The following SULT2B1 variants were observed in gnomAD, a reference collection of about 807,000 sequenced individuals.
The protein encoded by SULT2B1 is sulfotransferase 2B1.
SULT2B1 carries 16 observed loss-of-function variants against 33.2 expected under a neutral mutation model. The ratio of observed to expected loss-of-function variants is 0.48; its 90% confidence interval spans 0.33 to 0.73. SULT2B1 has a LOEUF of 0.73. Ranked by LOEUF, SULT2B1 falls within the 30% of genes least tolerant of loss-of-function variation. The probability of loss-of-function intolerance (pLI) is 0.02; values close to 1 mark genes in which losing one functional copy is unlikely to be tolerated. For synonymous variants in SULT2B1, 186 were observed against 200.5 expected, an observed-to-expected ratio of 0.93 and a Z score of 0.61; for missense variants, 500 against 506.0, an observed-to-expected ratio of 0.99 and a Z score of 0.11.
chr19:48,579,272 G>A (rs1220147147), intron 2 of SULT2B1, among the ~76,000 whole-genome samples: 1 of 150,752 alleles, frequency 6.6e-6, no homozygotes, highest in Admixed American at 6.6e-5. Context: ...TACGAACATT[G>A]CATGCAAGTT....
intron 1 of SULT2B1, among the ~76,000 whole-genome samples, chr19:48,573,203 A>G (rs1332974850): frequency 6.6e-6 from 1 of 150,792 alleles, no homozygotes; most frequent in Admixed American, 6.6e-5. Context: ...TTGCAGGCAG[A>G]ACCATTCACC....
intron 6 of SULT2B1, among the ~76,000 whole-genome samples, chr19:48,597,510 A>G (rs1436364717): frequency 1.3e-5 from 2 of 151,358 alleles, no homozygotes; most frequent in Admixed American, 1.3e-4. Flanking sequence ...ATGTCAGGTT[A>G]ATTTTTGTAT....
Position 48,587,445 on chromosome 19 carries a change from G to T in SULT2B1, c.423+8G>T, listed in dbSNP as rs765525281. 4 of 1,614,028 alleles carry T rather than the reference G, an allele frequency of 2.5e-6. No individual in the cohort carries two copies. The highest frequency in any genetic ancestry group is 3.4e-6 in the Non-Finnish European group (4 of 1,180,008). Reference sequence around the variant, plus strand: ...TTCAGCTCCAAGGCCAAGGTTGGGAGGAGGGGTGTGTGTCAGTTGGGAGGG... The same window carrying T: ...TTCAGCTCCAAGGCCAAGGTTGGGATGAGGGGTGTGTGTCAGTTGGGAGGG... On this transcript the variant is annotated splice_region_variant and intron_variant, in intron 3 of 6. Coordinates refer to ENST00000201586, the MANE Select transcript of SULT2B1 (RefSeq NM_177973.2).
chr19:48,583,980 C>T (rs781433545), intron 2 of SULT2B1, among the ~76,000 whole-genome samples: 7 of 150,932 alleles, frequency 4.6e-5, no homozygotes, highest in Non-Finnish European at 8.9e-5. Context: ...GGCATGCTGG[C>T]GTGCGCCTGT....
intron 2 of SULT2B1, among the ~76,000 whole-genome samples, chr19:48,585,540 A>G (rs746561701): frequency 2.6e-4 from 39 of 152,106 alleles, no homozygotes; most frequent in Non-Finnish European, 4.7e-4. Flanking sequence ...GTGGTGGTGC[A>G]TGCCTGTAAC....
intron 2 of SULT2B1, among the ~76,000 whole-genome samples, chr19:48,581,658 C>T (rs973668424): frequency 6.7e-6 from 1 of 149,232 alleles, no homozygotes; most frequent in African/African-American, 2.5e-5. Context: ...GGGGTTTCAC[C>T]GTGTTAGCCA....
intron 1 of SULT2B1, among the ~76,000 whole-genome samples, chr19:48,574,406 G>A (rs1973375391): frequency 6.6e-6 from 1 of 152,236 alleles, no homozygotes; most frequent in African/African-American, 2.4e-5. Flanking sequence ...GGTGCCAAGA[G>A]GAACGGGCAA....
intron 5 of SULT2B1, among the ~76,000 whole-genome samples, chr19:48,594,215 C>T (rs953449133): frequency 3.3e-5 from 5 of 151,968 alleles, no homozygotes; most frequent in East Asian, 3.9e-4. Context: ...GAGCCAAGAT[C>T]GCACCATTGC....
intron 1 of SULT2B1, among the ~76,000 whole-genome samples, chr19:48,557,641 G>C (rs956958793): frequency 1.3e-5 from 2 of 152,044 alleles, no homozygotes; most frequent in Non-Finnish European, 2.9e-5. Flanking sequence ...AAGAGGCCGG[G>C]CACGGTGGCT....
rs566268776 is a variant in SULT2B1 at position 48,599,398 on chromosome 19, C to T, written c.1090C>T (p.Pro364Ser). Reference protein sequence around the residue: ...GQASETPHPRPS With the variant: ...GQASETPHPRSS ...GGCCTCTGAGACCCCGCACCCACGA[C>T]CCTCATAATAAACACGTCGATTCTG... The change falls in exon 7 of 7, where the codon CCC (proline) becomes TCC (serine). Residue 364 changes from proline (P) to serine (S), a missense_variant. Transcript: ENST00000201586. The surrounding 1 kb of genome is among the most constrained non-coding windows in gnomAD (Gnocchi z 4.1). 1.8e-4 allele frequency: 284 copies of T among 1,553,030 alleles called. 3 individuals are homozygous for T. In the South Asian group the frequency reaches 3.1e-3, roughly 17 times the overall value.
intron 1 of SULT2B1, among the ~76,000 whole-genome samples, chr19:48,559,759 C>T (rs1821882458): frequency 6.6e-6 from 1 of 152,100 alleles, no homozygotes; most frequent in Admixed American, 6.5e-5. Flanking sequence ...GAGGTGTGGC[C>T]AGTTACTTAC....
chr19:48,577,837 C>A (rs1973435149), intron 2 of SULT2B1, among the ~76,000 whole-genome samples: 1 of 152,174 alleles, frequency 6.6e-6, no homozygotes, highest in African/African-American at 2.4e-5. Context: ...CTTTATGGAG[C>A]TCACATTGTA....
chr19:48,564,551 C>CAAAAA (rs770217698), intron 1 of SULT2B1, among the ~76,000 whole-genome samples: 131 of 57,544 alleles, frequency 2.3e-3, no homozygotes, highest in Admixed American at 3.3e-3. Context: ...GACTCCGTCT[C>CAAAAA]AAAAAAAAAA....
chr19:48,570,137 T>A (rs1210355220), intron 1 of SULT2B1, among the ~76,000 whole-genome samples: 1 of 151,710 alleles, frequency 6.6e-6, no homozygotes, highest in African/African-American at 2.4e-5. Context: ...GTGCAATGCC[T>A]GGGAGAGCCT....
chr19:48,566,271 A>G (rs1568404657), intron 1 of SULT2B1, among the ~76,000 whole-genome samples: 1 of 152,036 alleles, frequency 6.6e-6, no homozygotes, highest in African/African-American at 2.4e-5. Flanking sequence ...TATGTTGTCT[A>G]GGCTGGTCTC....
intron 2 of SULT2B1, among the ~76,000 whole-genome samples, chr19:48,579,605 C>CTTTCTTTCTTTTTTTTTTTTTTTT (rs71179013): frequency 3.8e-5 from 3 of 79,736 alleles, no homozygotes; most frequent in Non-Finnish European, 6.8e-5. Context: ...TTCTTTCTTT[C>CTTTCTTTCTTTTTTTTTTTTTTTT]TTTTTTTTTT....
chr19:48,587,890 CAAAAAAAAAAAAAAAAAAAAAAAA>C (rs67551728), intron 3 of SULT2B1, among the ~76,000 whole-genome samples: 3 of 39,882 alleles, frequency 7.5e-5, no homozygotes, highest in Non-Finnish European at 1.3e-4. Flanking sequence ...AAGACTGTCT[CAAAAAAAAAAAAAAAAAAAAAAAA>C]AAAAAAAAAG....
chr19:48,565,132 G>C (rs1181145277), intron 1 of SULT2B1, among the ~76,000 whole-genome samples: 1 of 151,734 alleles, frequency 6.6e-6, no homozygotes, highest in Non-Finnish European at 1.5e-5. Context: ...CGCCATGTTA[G>C]ACGGGCTGGT....
chr19:48,556,998 G>A (rs1973107522), intron 1 of SULT2B1, among the ~76,000 whole-genome samples: 1 of 150,930 alleles, frequency 6.6e-6, no homozygotes, highest in Admixed American at 6.6e-5. Flanking sequence ...CCTGTCCATT[G>A]CAGTACTTTG....
Sources: allele counts gnomAD v4.1 joint callset (sites outside exome capture counted in the v4.1 genomes callset), GRCh38; gene constraint gnomAD v4.1.1; non-coding constraint Gnocchi (gnomAD v3.1); transcripts MANE v1.5; gene names NCBI Gene and HGNC (gene_info 2026-07-23, HGNC 2026-07-21).